NOP53: variants seen among roughly 807,000 people sequenced by gnomAD.
NOP53 encodes the protein NOP53 ribosome biogenesis factor, also known as ribosome biogenesis protein NOP53.
In NOP53, 40 loss-of-function variants were observed where a neutral mutation model predicts 61.0. The ratio of observed to expected loss-of-function variants is 0.66; its 90% CI spans 0.51 to 0.85. The LOEUF (loss-of-function observed/expected upper bound fraction) is 0.85. Ranked by LOEUF, NOP53 falls within the 40% of genes least tolerant of loss-of-function variation. NOP53 has a pLI of 0.00. For synonymous variants in NOP53, 308 were observed against 289.5 expected, an observed-to-expected ratio of 1.06 and a Z score of -0.65; for missense variants, 689 against 652.9, an observed-to-expected ratio of 1.06 and a Z score of -0.60.
chr19:47,748,991 G>A (rs549538235), intron 2 of NOP53, among the ~76,000 whole-genome samples: 3 of 152,146 alleles, frequency 2.0e-5, no homozygotes, highest in Admixed American at 6.6e-5. Flanking sequence ...GAGAAACCCC[G>A]TCTTTACTAA....
intron 4 of NOP53, 185 bp from the exon 5 acceptor site, chr19:47,751,335 C>A: frequency 1.6e-6 from 1 of 644,184 alleles, no homozygotes; most frequent in Non-Finnish European, 2.7e-6. Context: ...TGGTCTCTTC[C>A]ACTTTCTGAA....
chr19:47,753,759 T>A (rs887313579), intron 6 of NOP53: 2 of 152,256 alleles, frequency 1.3e-5, no homozygotes, highest in African/African-American at 4.8e-5. Context: ...TTCGTAGAGA[T>A]AAAATTCACT....
chr19:47,754,301 G>C lies in NOP53; in HGVS notation c.766-226G>C. 1 of 557,016 alleles carries C rather than the reference G, an allele frequency of 1.8e-6. No individual in the cohort carries two copies. The allele number at this position is 557,016 out of a possible 1,614,324, so 34.5% of individuals were successfully genotyped here. A position where few individuals can be genotyped will look rare whatever the true frequency, so the allele number is the denominator to read the frequency against. On this transcript the variant is annotated intron_variant, in intron 6 of 12. Transcript: ENST00000246802. The surrounding 1 kb of genome is among the most constrained non-coding windows in gnomAD (Gnocchi z 4.2). ...TCAAAAAAAAAATGTGAAGCGTGCAGGTCAGACTGCCTTCACAGACGTGCA... is the reference window on the plus strand; with the variant it reads ...TCAAAAAAAAAATGTGAAGCGTGCACGTCAGACTGCCTTCACAGACGTGCA...
chr19:47,751,549 G>A lies in NOP53; in HGVS notation c.628G>A (p.Asp210Asn). ...NPLDRPLVGQ[D>N]EFFLEQTKKK... Reference sequence around the variant, plus strand: ...CCTGGACAGGCCGTTGGTTGGCCAGGATGAGTTTTTCCTGGAGCAGACCAA... The same window carrying A: ...CCTGGACAGGCCGTTGGTTGGCCAGAATGAGTTTTTCCTGGAGCAGACCAA... The change falls in exon 5 of 13, where the codon GAT (aspartate) becomes AAT (asparagine). Residue 210 changes from aspartate to asparagine, a missense_variant. Transcript: ENST00000246802. 6.2e-7 allele frequency: 1 copy of A among 1,614,096 alleles called. No individual in the cohort carries two copies. The highest frequency in any genetic ancestry group is 8.5e-7 in the Non-Finnish European group (1 of 1,180,012).
chr19:47,756,745 G>A lies in NOP53; in HGVS notation c.1430+1G>A. ...AGAAGCGGGCGTTCCGTGAGATCCA[G>A]TGAGTCCACCCGGCTTCGGCGCAAG... is the stretch of plus-strand genomic sequence containing the variant. On this transcript the variant is annotated splice_donor_variant, in intron 12 of 12. Coordinates refer to ENST00000246802, the MANE Select transcript of NOP53 (RefSeq NM_015710.5). LOFTEE classifies it high-confidence loss of function. The A allele has an allele frequency of 1.9e-6, 3 of 1,613,382 alleles. No individual in the cohort carries two copies. The highest frequency in any genetic ancestry group is 1.7e-6 in the Non-Finnish European group (2 of 1,179,964).
At chr19:47,747,352 C>T (rs528462154) in intron 2 of NOP53, among the ~76,000 whole-genome samples, 5 of 152,268 alleles carry the variant, frequency 3.3e-5, no homozygotes, top group African/African-American at 9.6e-5. Context: ...ACCTGCTTAA[C>T]TCAGTCCTGC....
chr19:47,750,137 G>T lies in NOP53; in HGVS notation c.290-41G>T, dbSNP rs527779654. 1.0e-5 allele frequency: 13 copies of T among 1,305,296 alleles called. No homozygotes were observed. The East Asian group carries it at 3.0e-4, about 30-fold the overall frequency. The allele number at this position is 1,305,296 out of a possible 1,614,324, so 80.9% of individuals were successfully genotyped here. A position where few individuals can be genotyped will look rare whatever the true frequency, so the allele number is the denominator to read the frequency against. Reference sequence around the variant, plus strand: ...TAGGGTGGGTGGTCTTTGGCAGTGGGTAGGGCTGAGGCCTTGACTTGTTCT... The same window carrying T: ...TAGGGTGGGTGGTCTTTGGCAGTGGTTAGGGCTGAGGCCTTGACTTGTTCT... On this transcript the variant is annotated intron_variant, in intron 2 of 12. Transcript: ENST00000246802.
In NOP53 at chr19:47,747,086, A is replaced by T; in HGVS notation, c.289+55A>T. ...GCGGTTATTCATTGTTAGTCAGCTTACGGTAGCCTCTGAGATCTGTGTTAA... is the reference window on the plus strand; with the variant it reads ...GCGGTTATTCATTGTTAGTCAGCTTTCGGTAGCCTCTGAGATCTGTGTTAA... On this transcript the variant is annotated intron_variant, in intron 2 of 12. Coordinates refer to ENST00000246802, the MANE Select transcript of NOP53 (RefSeq NM_015710.5). The T allele has an allele frequency of 1.1e-5, 15 of 1,368,032 alleles. No homozygotes were observed. The South Asian group carries it at 1.8e-4, about 16-fold the overall frequency. 84.7% of individuals were successfully genotyped at this position (1,368,032 alleles called of 1,614,324 possible).
chr19:47,748,620 G>A (rs922890837), intron 2 of NOP53, among the ~76,000 whole-genome samples: 2 of 152,146 alleles, frequency 1.3e-5, no homozygotes, highest in African/African-American at 4.8e-5. Context: ...GAGTCTGGGT[G>A]CAGTGGCCTA....
chr19:47,752,074 T>C (rs1275736876), intron 5 of NOP53, among the ~76,000 whole-genome samples: 1 of 151,530 alleles, frequency 6.6e-6, no homozygotes, highest in Non-Finnish European at 1.5e-5. Flanking sequence ...GCCACTGCAC[T>C]CCAGCCTGGG....
chr19:47,755,987 G>A lies in NOP53; in HGVS notation c.1296+165G>A, dbSNP rs570320547. The stretch of plus-strand genomic sequence containing the variant: ...ACGGGATGCTGGGATGAGATCCCAG[G>A]GTGAGGGGCCAGGCTAAGGTTTGAG... On this transcript the variant is annotated intron_variant, in intron 10 of 12. Coordinates refer to ENST00000246802, the MANE Select transcript of NOP53 (RefSeq NM_015710.5). 5 of 610,308 alleles carry A rather than the reference G, an allele frequency of 8.2e-6. No individual in the cohort carries two copies. In the East Asian group the frequency reaches 1.4e-4, roughly 17 times the overall value. The allele number at this position is 610,308 out of a possible 1,614,324, so 37.8% of individuals were successfully genotyped here. A position where few individuals can be genotyped will look rare whatever the true frequency, so the allele number is the denominator to read the frequency against.
At chr19:47,749,221 T>C (rs937191642) in intron 2 of NOP53, among the ~76,000 whole-genome samples, 1 of 151,628 alleles carries the variant, frequency 6.6e-6, no homozygotes, top group East Asian at 1.9e-4. Context: ...TGAGTTGATC[T>C]GGTGTGTGAG....
chr19:47,745,592 G>T lies in NOP53; in HGVS notation c.33G>T (p.Lys11Asn), dbSNP rs376292602. 30 of 1,613,900 alleles carry T rather than the reference G, an allele frequency of 1.9e-5. No homozygotes were observed. Among genetic ancestry groups the T allele is most frequent in the Middle Eastern group, 1.7e-4 (1 of 5,996 alleles). MAAGGSGVGG[K>N]RSSKSDADSG... ...CAGGAGGCAGTGGCGTTGGTGGGAA[G>T]CGCAGCTCGAAAAGCGATGCCGATT... The change falls in exon 1 of 13, where the codon AAG becomes AAT. Residue 11 changes from lysine (K) to asparagine (N), a missense_variant. Lys to Asn is a moderately conservative substitution (Grantham distance 94). Transcript: ENST00000246802.
chr19:47,751,451 T>G, intron 4 of NOP53, 69 bp from the exon 5 acceptor site: 2 of 1,209,940 alleles, frequency 1.7e-6, no homozygotes, highest in Non-Finnish European at 2.5e-6. Context: ...GTGGAGGGAT[T>G]GGGGGGGAGC....
Position 47,745,742 on chromosome 19 carries a change from C to G in NOP53, c.183C>G (p.Asp61Glu), listed in dbSNP as rs754925914. The stretch of plus-strand genomic sequence containing the variant: ...AGGAGCCGCTGGGGCTGGAGGTTGA[C>G]CAGTTCCTGGAAGACGTGCGGCTAC... ...LAQEPLGLEV[D>E]QFLEDVRLQE... Residue 61 changes from aspartate (D) to glutamate (E), a missense_variant, in exon 1 of 13, where the codon GAC (aspartate) becomes GAG (glutamate). Asp to Glu is a conservative substitution (Grantham distance 45, BLOSUM62 2). Coordinates refer to ENST00000246802, the MANE Select transcript of NOP53 (RefSeq NM_015710.5). 2.4e-5 allele frequency: 38 copies of G among 1,602,588 alleles called. No homozygotes were observed. The highest frequency in any genetic ancestry group is 3.1e-5 in the Non-Finnish European group (36 of 1,174,394).
Position 47,754,273 on chromosome 19 carries a change from A to G in NOP53, c.766-254A>G, listed in dbSNP as rs1967159167. 4.3e-6 allele frequency: 2 copies of G among 468,458 alleles called. No individual in the cohort carries two copies. The highest frequency in any genetic ancestry group is 5.7e-4 in the Middle Eastern group (1 of 1,750). 29.0% of individuals were successfully genotyped at this position (468,458 alleles called of 1,614,324 possible). A position where few individuals can be genotyped will look rare whatever the true frequency, so the allele number is the denominator to read the frequency against. ...GTCTGGGCAACAAGACAGAAACTCT[A>G]TCTCAAAAAAAAAATGTGAAGCGTG... On this transcript the variant is annotated intron_variant, in intron 6 of 12. Transcript: ENST00000246802. This position sits in a 1 kb window ranked among gnomAD's most constrained non-coding sequence, Gnocchi z 4.2.
intron 2 of NOP53, 46 bp from the exon 3 acceptor site, chr19:47,750,132 A>T (rs56293449): frequency 0.018 from 22,071 of 1,230,908 alleles, 308 homozygotes; most frequent in South Asian, 0.039. Context: ...GGTCTTTGGC[A>T]GTGGGTAGGG....
intron 2 of NOP53, among the ~76,000 whole-genome samples, chr19:47,747,779 CTTTTTTT>C (rs750831883): frequency 1.4e-4 from 8 of 56,890 alleles, no homozygotes; most frequent in Admixed American, 4.9e-4. Flanking sequence ...TTCTCTCTCT[CTTTTTTT>C]TTTTTTTTTT....
At position 47,752,608 on chromosome 19, in the gene NOP53, G is replaced by C; in HGVS notation, c.765+1G>C. On this transcript the variant is annotated splice_donor_variant, in intron 6 of 12. Coordinates refer to ENST00000246802, the MANE Select transcript of NOP53 (RefSeq NM_015710.5). LOFTEE classifies it high-confidence loss of function. Reference sequence around the variant, plus strand: ...CAATCCATCCTTTGAAGACCACCAGGTACACTGCCCCGTCCAGGCCTCCCT... The same window carrying C: ...CAATCCATCCTTTGAAGACCACCAGCTACACTGCCCCGTCCAGGCCTCCCT... The C allele has an allele frequency of 3.8e-6, 6 of 1,579,826 alleles. No homozygotes were observed. Among genetic ancestry groups the C allele is most frequent in the South Asian group, 1.1e-5 (1 of 90,466 alleles).
Sources: gnomAD v4.1 joint callset for allele counts (sites outside exome capture counted in the v4.1 genomes callset) on GRCh38, gnomAD v4.1.1 for gene constraint, Gnocchi (gnomAD v3.1) non-coding constraint, MANE v1.5 for transcripts, NCBI Gene and HGNC (gene_info 2026-07-23, HGNC 2026-07-21) for gene names.